RUBCN: variants seen among roughly 807,000 people sequenced by gnomAD.
The protein encoded by RUBCN is rubicon autophagy regulator.
Under a neutral mutation model 113.2 loss-of-function variants are expected in RUBCN, and 74 were observed. That is an observed-to-expected ratio of 0.65 (90% confidence interval 0.54 to 0.79). The LOEUF is 0.79. Among genes scored for constraint, RUBCN ranks in the 30% least tolerant of loss-of-function variants. RUBCN has a pLI of 0.00. For synonymous variants in RUBCN, 480 were observed against 490.0 expected, an observed-to-expected ratio of 0.98 and a Z score of 0.27; for missense variants, 1,109 against 1,251.7, an observed-to-expected ratio of 0.89 and a Z score of 1.72.
intron 1 of RUBCN, among the ~76,000 whole-genome samples, chr3:197,734,681 C>T (rs538077847): frequency 6.6e-6 from 1 of 152,060 alleles, no homozygotes; most frequent in East Asian, 1.9e-4. Flanking sequence ...AATAACTAAC[C>T]CAGCCTCCCT....
rs762528715 is a variant in RUBCN at position 197,701,107 on chromosome 3, C to T, written c.767G>A (p.Arg256Gln). The stretch of plus-strand genomic sequence containing the variant: ...GTGCCCTCTGCTTTCTTGAGGTTTC[C>T]GGGGAGGGCCAGAGAGTGGAAAGGA... ...STSFPLSGPP[R>Q]KPQESRGHVS... Residue 256 changes from arginine to glutamine, a missense_variant, in exon 7 of 20, where the codon CGG becomes CAG. This residue lies in a region of RUBCN where 736 missense variants were observed against 779.6 expected (regional missense o/e 0.94). Coordinates refer to ENST00000296343, the MANE Select transcript of RUBCN (RefSeq NM_014687.4). 45 of 1,583,204 alleles carry T rather than the reference C, an allele frequency of 2.8e-5. No individual in the cohort carries two copies. Among genetic ancestry groups the T allele is most frequent in the Middle Eastern group, 1.7e-4 (1 of 5,912 alleles).
chr3:197,747,244 C>T (rs1386172390), intron 1 of RUBCN, among the ~76,000 whole-genome samples: 1 of 152,122 alleles, frequency 6.6e-6, no homozygotes, highest in African/African-American at 2.4e-5. Context: ...TCCTAGGCCC[C>T]AAGACTCTCA....
At chr3:197,732,001 TCAAA>T (rs1365644526) in intron 1 of RUBCN, among the ~76,000 whole-genome samples, 8 of 152,254 alleles carry the variant, frequency 5.3e-5, no homozygotes. Flanking sequence ...GAGCGAAATG[TCAAA>T]TGTCACTCTG....
In RUBCN at chr3:197,673,761, A is replaced by G. The variant is rs112860698; in HGVS notation, c.*1257T>C. 0.012 allele frequency: 1,837 copies of G among 152,876 alleles called. 24 individuals are homozygous for G. Among genetic ancestry groups the G allele is most frequent in the Non-Finnish European group, 0.02 (1,349 of 68,478 alleles). The allele number at this position is 152,876 out of a possible 1,614,324, so 9.5% of individuals were successfully genotyped here. ...GGGAGGGGGGCAGCACACTAAAATC[A>G]GCATTATCAAATGAACAGATAAACA... On this transcript the variant is annotated 3_prime_UTR_variant, in exon 20 of 20. Transcript: ENST00000296343.
In RUBCN at chr3:197,705,103, G is replaced by C; in HGVS notation, c.292C>G (p.His98Asp). 1 of 1,613,732 alleles carries C rather than the reference G, an allele frequency of 6.2e-7. No individual in the cohort carries two copies. Among genetic ancestry groups the C allele is most frequent in the Non-Finnish European group, 8.5e-7 (1 of 1,179,702 alleles). ...GCTCTCACTCTTACCTTCTCCACGT[G>C]AAGGGCTGAGTGGGGACTGAGCCAC... ...IRWLSPHSAL[H>D]VEKFISVHEN... The change falls in exon 3 of 20, where the codon CAC (histidine) becomes GAC (aspartate). Residue 98 changes from histidine (H) to aspartate (D), a missense_variant. This residue lies in a region of RUBCN where 736 missense variants were observed against 779.6 expected (regional missense o/e 0.94). Transcript: ENST00000296343.
At chr3:197,688,325 C>G (rs2108868355) in intron 11 of RUBCN, among the ~76,000 whole-genome samples, 1 of 152,130 alleles carries the variant, frequency 6.6e-6, no homozygotes, top group East Asian at 1.9e-4. Flanking sequence ...CCGCTGGTCT[C>G]AAACTCCTGA....
chr3:197,674,820 C>A lies in RUBCN; in HGVS notation c.*198G>T. ...GGTGTTTACAAATTATCTGTCACCA[C>A]AGACTCTGGACCCATCAACCTGCCG... On this transcript the variant is annotated 3_prime_UTR_variant, in exon 20 of 20. Coordinates refer to ENST00000296343, the MANE Select transcript of RUBCN (RefSeq NM_014687.4). The A allele has an allele frequency of 1.8e-6, 1 of 546,818 alleles. No individual in the cohort carries two copies. The highest frequency in any genetic ancestry group is 2.6e-5 in the South Asian group (1 of 38,578). 33.9% of individuals were successfully genotyped at this position (546,818 alleles called of 1,614,324 possible).
chr3:197,723,133 G>C (rs1726349953), intron 1 of RUBCN, among the ~76,000 whole-genome samples: 3 of 151,986 alleles, frequency 2.0e-5, no homozygotes, highest in Admixed American at 2.0e-4. Flanking sequence ...TCAGCATGAG[G>C]CTTACAAAAC....
intron 2 of RUBCN, among the ~76,000 whole-genome samples, chr3:197,708,082 T>TA (rs1221413785): frequency 1.3e-5 from 2 of 151,744 alleles, no homozygotes; most frequent in Non-Finnish European, 2.9e-5. Context: ...TTTCTTTACA[T>TA]AAAAAAAGAA....
chr3:197,726,847 A>C (rs1726817637), intron 1 of RUBCN, among the ~76,000 whole-genome samples: 1 of 151,860 alleles, frequency 6.6e-6, no homozygotes, highest in Non-Finnish European at 1.5e-5. Flanking sequence ...GCAGGAAGAA[A>C]ATGTCACCCA....
At chr3:197,703,791 C>A in intron 4 of RUBCN, 137 bp from the exon 5 acceptor site, 1 of 690,592 alleles carries the variant, frequency 1.4e-6, no homozygotes, top group Non-Finnish European at 2.6e-6. Flanking sequence ...AGAGGAGAAG[C>A]TGAAGAACGC....
chr3:197,715,025 C>T (rs1049177129), intron 2 of RUBCN, among the ~76,000 whole-genome samples: 1 of 152,110 alleles, frequency 6.6e-6, no homozygotes, highest in Admixed American at 6.6e-5. Flanking sequence ...CGCAGTGGCT[C>T]ACGCCTGTCA....
chr3:197,675,220 G>T lies in RUBCN; in HGVS notation c.2741-24C>A, dbSNP rs1376023108. On this transcript the variant is annotated intron_variant, in intron 19 of 19. Coordinates refer to ENST00000296343, the MANE Select transcript of RUBCN (RefSeq NM_014687.4). This position sits in a 1 kb window ranked among gnomAD's most constrained non-coding sequence, Gnocchi z 4.4. ...CTCTACTCAGGTTGGGAAGGTGGGGGAGAGAAGAAAACAATTTGTATTATC... is the reference window on the plus strand; with the variant it reads ...CTCTACTCAGGTTGGGAAGGTGGGGTAGAGAAGAAAACAATTTGTATTATC... The T allele has an allele frequency of 1.2e-6, 2 of 1,613,480 alleles. No homozygotes were observed.
chr3:197,747,489 G>A (rs1020845881), intron 1 of RUBCN, among the ~76,000 whole-genome samples: 2 of 151,902 alleles, frequency 1.3e-5, no homozygotes, highest in African/African-American at 4.8e-5. Context: ...CCAAAGTGCT[G>A]GGATTACAAG....
chr3:197,696,385 AC>A (rs1332997959), intron 8 of RUBCN, among the ~76,000 whole-genome samples: 6 of 151,842 alleles, frequency 4.0e-5, no homozygotes, highest in African/African-American at 1.2e-4. Flanking sequence ...AAAAAAAAAA[AC>A]AAAACAAAAA....
intron 16 of RUBCN, among the ~76,000 whole-genome samples, chr3:197,679,855 C>T (rs1244743940): frequency 4.0e-4 from 58 of 145,446 alleles, no homozygotes; most frequent in African/African-American, 8.0e-4. Context: ...GACTGTCCTA[C>T]GCTCTGACAA....
At chr3:197,706,683 T>TA (rs1724334091) in intron 2 of RUBCN, among the ~76,000 whole-genome samples, 1 of 151,696 alleles carries the variant, frequency 6.6e-6, no homozygotes, top group Non-Finnish European at 1.5e-5. Flanking sequence ...GATCCTGTCT[T>TA]AAAAAAACAA....
At position 197,704,638 on chromosome 3, in the gene RUBCN, C is replaced by G; in HGVS notation, c.367G>C (p.Glu123Gln). The G allele has an allele frequency of 6.2e-7, 1 of 1,614,150 alleles. No individual in the cohort carries two copies. The highest frequency in any genetic ancestry group is 8.5e-7 in the Non-Finnish European group (1 of 1,180,000). The change falls in exon 4 of 20, where the codon GAG becomes CAG. Residue 123 changes from glutamate (E) to glutamine (Q), a missense_variant. Glu to Gln is a conservative substitution (Grantham distance 29). Coordinates refer to ENST00000296343, the MANE Select transcript of RUBCN (RefSeq NM_014687.4). ...ADGASERAVA[E>Q]LWLQHSLQYH... ...TGCAGGCTGTGCTGCAGCCACAGCT[C>G]GGCAACAGCACGTTCACTGGCACCA... is the stretch of plus-strand genomic sequence containing the variant.
At chr3:197,695,519 C>G (rs905482745) in intron 9 of RUBCN, among the ~76,000 whole-genome samples, 1 of 151,990 alleles carries the variant, frequency 6.6e-6, no homozygotes, top group Non-Finnish European at 1.5e-5. Flanking sequence ...GAGGATTGCT[C>G]GAGCCCAGGA....
Sources: gnomAD v4.1 joint callset for allele counts (sites outside exome capture counted in the v4.1 genomes callset) on GRCh38, gnomAD v4.1.1 for gene constraint, gnomAD v4.1.1 regional missense constraint, Gnocchi (gnomAD v3.1) non-coding constraint, MANE v1.5 for transcripts, NCBI Gene and HGNC (gene_info 2026-07-23, HGNC 2026-07-21) for gene names.